Variants in PTPN14 observed in about 807,000 individuals in gnomAD.
PTPN14 encodes protein tyrosine phosphatase non-receptor type 14, also known as tyrosine-protein phosphatase non-receptor type 14.
A neutral mutation model predicts 126.8 loss-of-function variants in PTPN14; 53 were observed. The observed-to-expected ratio is 0.42, with a 90% CI of 0.34 to 0.53. The LOEUF is 0.53. Ranked by LOEUF, PTPN14 falls within the 20% of genes least tolerant of loss-of-function variation. The pLI is 0.08. For synonymous variants in PTPN14, 630 were observed against 599.3 expected (o/e 1.05, Z -0.75); for missense variants, 1,257 against 1,552.9 (o/e 0.81, Z 3.20).
At chr1:214,408,055 T>A (rs1055629301) in intron 5 of PTPN14, among the ~76,000 whole-genome samples, 2 of 152,214 alleles carry the variant, frequency 1.3e-5, no homozygotes, top group African/African-American at 2.4e-5. Flanking sequence ...ACAGCACACA[T>A]GCCATTAGTC....
chr1:214,457,752 C>A (rs1660414784), intron 2 of PTPN14, among the ~76,000 whole-genome samples: 1 of 152,106 alleles, frequency 6.6e-6, no homozygotes, highest in Non-Finnish European at 1.5e-5. Context: ...TTCAAAATAT[C>A]ATTGCAACCT....
At position 214,384,097 on chromosome 1, in the gene PTPN14, G is replaced by A. The variant is rs553753199; in HGVS notation, c.1758C>T (p.Arg586=). 9 of 1,572,818 alleles carry A rather than the reference G, an allele frequency of 5.7e-6. No homozygotes were observed. The South Asian group carries it at 8.2e-5, about 14-fold the overall frequency. Reference sequence around the variant, plus strand: ...GGCTGCTGCCGCTGACGTACTTGTGGCGGTGGCTGGCCAGGTCTGGGGTGC... The same window carrying A: ...GGCTGCTGCCGCTGACGTACTTGTGACGGTGGCTGGCCAGGTCTGGGGTGC... The part of the protein sequence containing the change: ...ATSTPDLASH[R]HKYVSGSSPD... Residue 586 remains arginine, a synonymous_variant, in exon 13 of 19, where the codon CGC becomes CGT. Coordinates refer to ENST00000366956, the MANE Select transcript of PTPN14 (RefSeq NM_005401.5). The surrounding 1 kb of genome is among the most constrained non-coding windows in gnomAD (Gnocchi z 5.3).
intron 9 of PTPN14, 33 bp downstream of exon 9, chr1:214,394,866 G>A (rs1457781105): frequency 1.3e-6 from 2 of 1,567,086 alleles, no homozygotes; most frequent in Non-Finnish European, 1.8e-6. Flanking sequence ...CCAGTGTCTT[G>A]TCAGACCCTG....
chr1:214,494,356 C>T (rs2102421879), intron 1 of PTPN14, among the ~76,000 whole-genome samples: 1 of 152,232 alleles, frequency 6.6e-6, no homozygotes, highest in Admixed American at 6.5e-5. Flanking sequence ...GCCACAGCAC[C>T]CGGCCCCTCC....
chr1:214,414,635 C>G lies in PTPN14; in HGVS notation c.436G>C (p.Val146Leu). ...DQVIRLAGLA[V>L]QADFGDYNQF... is the part of the protein sequence containing the mutation. ...GCTCATAACTATGTCTTACCTTGCA[C>G]AGCTAGGCCGGCTAGCCGAATCACC... The change falls in exon 4 of 19, where the codon GTG becomes CTG. Residue 146 changes from valine to leucine, a missense_variant. Coordinates refer to ENST00000366956, the MANE Select transcript of PTPN14 (RefSeq NM_005401.5). The G allele has an allele frequency of 6.2e-7, 1 of 1,613,362 alleles. No individual in the cohort carries two copies. Among genetic ancestry groups the G allele is most frequent in the Non-Finnish European group, 8.5e-7 (1 of 1,179,300 alleles).
At chr1:214,401,805 G>T (rs759450905) in intron 6 of PTPN14, 33 bp from the exon 7 acceptor site, 1 of 1,504,304 alleles carries the variant, frequency 6.6e-7, no homozygotes, top group East Asian at 2.3e-5. Context: ...GGAAGAAATG[G>T]TTAAGGGCAG....
chr1:214,464,408 C>T (rs543738673), intron 2 of PTPN14, among the ~76,000 whole-genome samples: 2 of 152,266 alleles, frequency 1.3e-5, no homozygotes, highest in East Asian at 1.9e-4. Flanking sequence ...AGGAAACCTG[C>T]CACGCCATGC....
At chr1:214,420,053 T>C (rs1461368635) in intron 3 of PTPN14, among the ~76,000 whole-genome samples, 1 of 152,228 alleles carries the variant, frequency 6.6e-6, no homozygotes, top group East Asian at 1.9e-4. Flanking sequence ...CTTTTACATT[T>C]AATGACTGTT....
At chr1:214,456,247 T>C (rs1017907325) in intron 2 of PTPN14, among the ~76,000 whole-genome samples, 4 of 152,236 alleles carry the variant, frequency 2.6e-5, no homozygotes, top group Non-Finnish European at 4.4e-5. Flanking sequence ...TTGCATTAAG[T>C]TGTAATAGGT....
intron 3 of PTPN14, among the ~76,000 whole-genome samples, chr1:214,448,421 T>G (rs1225987276): frequency 6.6e-6 from 1 of 151,290 alleles, no homozygotes; most frequent in African/African-American, 2.4e-5. Context: ...TTTTTGTATT[T>G]TTTTAGTAGA....
At chr1:214,423,374 C>G (rs1211499690) in intron 3 of PTPN14, among the ~76,000 whole-genome samples, 2 of 152,126 alleles carry the variant, frequency 1.3e-5, no homozygotes, top group Non-Finnish European at 2.9e-5. Context: ...ATTCCCAGCC[C>G]ATGTTAAGTC....
At chr1:214,490,970 G>C (rs1661229704) in intron 1 of PTPN14, among the ~76,000 whole-genome samples, 1 of 61,560 alleles carries the variant, frequency 1.6e-5, no homozygotes, top group Non-Finnish European at 4.8e-5. Flanking sequence ...GGAAGGAAGG[G>C]AAGGAAAGGA....
At chr1:214,483,451 C>A in intron 1 of PTPN14, 1 of 1,060,940 alleles carries the variant, frequency 9.4e-7, no homozygotes, top group Non-Finnish European at 1.4e-6. Flanking sequence ...ACAAGCCTCG[C>A]CTAGTAATCT....
chr1:214,364,787 G>GTGTGTT lies in PTPN14; in HGVS notation c.3272-113_3272-112insAACACA. The GTGTGTT allele has an allele frequency of 1.1e-6, 1 of 881,690 alleles. No individual in the cohort carries two copies. Among genetic ancestry groups the GTGTGTT allele is most frequent in the Non-Finnish European group, 1.7e-6 (1 of 587,968 alleles). The allele number at this position is 881,690 out of a possible 1,614,324, so 54.6% of individuals were successfully genotyped here. A position where few individuals can be genotyped will look rare whatever the true frequency, so the allele number is the denominator to read the frequency against. ...GGTGAGTGTGTGTGTGTGTGTGTGTGTGTGTGTGTGTGTGTGTGTTTTAAG... is the reference window on the plus strand; with the variant it reads ...GGTGAGTGTGTGTGTGTGTGTGTGTGTGTGTTTGTGTGTGTGTGTGTGTGTTTTAAG... On this transcript the variant is annotated intron_variant, in intron 17 of 18. Transcript: ENST00000366956. The surrounding 1 kb of genome is among the most constrained non-coding windows in gnomAD (Gnocchi z 4.1).
Position 214,357,894 on chromosome 1 carries a change from C to T in PTPN14, c.*28G>A, listed in dbSNP as rs1339590217. On this transcript the variant is annotated 3_prime_UTR_variant, in exon 19 of 19. Coordinates refer to ENST00000366956, the MANE Select transcript of PTPN14 (RefSeq NM_005401.5). ...CTCCTCCAGCGCGATGGAGCTGGGT[C>T]CCTCCTCCAGGAGCTGGATTGGGGT... 1 of 1,605,502 alleles carries T rather than the reference C, an allele frequency of 6.2e-7. No homozygotes were observed. The highest frequency in any genetic ancestry group is 2.0e-4 in the Middle Eastern group (1 of 4,964).
intron 2 of PTPN14, among the ~76,000 whole-genome samples, chr1:214,462,971 T>C (rs1368305244): frequency 1.3e-5 from 2 of 152,220 alleles, no homozygotes; most frequent in Non-Finnish European, 2.9e-5. Context: ...AACAGCCCTG[T>C]GAAGTAAGCA....
At chr1:214,442,391 G>A (rs576729291) in intron 3 of PTPN14, among the ~76,000 whole-genome samples, 4 of 152,272 alleles carry the variant, frequency 2.6e-5, no homozygotes, top group African/African-American at 7.2e-5. Flanking sequence ...TTGAATTAGG[G>A]ATGCTCAACC....
At chr1:214,473,562 T>C (rs1408543176) in intron 1 of PTPN14, among the ~76,000 whole-genome samples, 1 of 152,238 alleles carries the variant, frequency 6.6e-6, no homozygotes, top group Non-Finnish European at 1.5e-5. Flanking sequence ...TTCCATACTA[T>C]TACAACTCCC....
At chr1:214,501,272 GCTCTTTTCGCCCAGACTGCAGTCC>G (rs1414612256) in intron 1 of PTPN14, among the ~76,000 whole-genome samples, 1 of 151,840 alleles carries the variant, frequency 6.6e-6, no homozygotes, top group Admixed American at 6.6e-5. Flanking sequence ...ACGGAGTTTC[GCTCTTTTCGCCCAGACTGCAGTCC>G]AGTGGCACTC....
Sources: allele counts gnomAD v4.1 joint callset (sites outside exome capture counted in the v4.1 genomes callset), GRCh38; gene constraint gnomAD v4.1.1; non-coding constraint Gnocchi (gnomAD v3.1); transcripts MANE v1.5; gene names NCBI Gene and HGNC (gene_info 2026-07-23, HGNC 2026-07-21).